The following CSMD3 variants were observed in gnomAD, a reference collection of about 807,000 sequenced individuals.
The protein encoded by CSMD3 is CUB and sushi domain-containing protein 3.
A neutral mutation model predicts 435.2 loss-of-function variants in CSMD3; 177 were observed. That is an observed-to-expected ratio of 0.41 (90% CI 0.36 to 0.46). CSMD3 has a LOEUF of 0.46. Ranked by LOEUF, CSMD3 falls within the 20% of genes least tolerant of loss-of-function variation. CSMD3 has a pLI of 0.34. For synonymous variants in CSMD3, 1,656 were observed against 1,520.5 expected (o/e 1.09, Z -2.07); for missense variants, 4,265 against 4,504.6 (o/e 0.95, Z 1.52).
At chr8:112,984,477 T>A (rs1025381343) in intron 6 of CSMD3, among the ~76,000 whole-genome samples, 1 of 152,076 alleles carries the variant, frequency 6.6e-6, no homozygotes, top group African/African-American at 2.4e-5. Context: ...AATCATATAT[T>A]TTAATGTTAT....
At chr8:112,519,466 G>T (rs1374937580) in intron 27 of CSMD3, among the ~76,000 whole-genome samples, 2 of 152,100 alleles carry the variant, frequency 1.3e-5, no homozygotes, top group African/African-American at 4.8e-5. Context: ...TGCCTCAAAA[G>T]TGCTGGCCAA....
rs376249265 is a variant in CSMD3 at position 112,321,012 on chromosome 8, T to G, written c.7166-1031A>C. 4.6e-5 allele frequency among the ~76,000 whole-genome samples: 7 copies of G among 152,150 alleles called. No homozygotes were observed. In the East Asian group the frequency reaches 1.4e-3, roughly 29 times the overall value. On this transcript the variant is annotated intron_variant, in intron 45 of 70. Coordinates refer to ENST00000297405, the MANE Select transcript of CSMD3 (RefSeq NM_198123.2). ...AAAGTCTCTATGAATCCAAGCTTCATGCCTACTATCCTCACATGACATCTA... is the reference window on the plus strand; with the variant it reads ...AAAGTCTCTATGAATCCAAGCTTCAGGCCTACTATCCTCACATGACATCTA...
chr8:112,301,638 A>G (rs1820928816), intron 53 of CSMD3, among the ~76,000 whole-genome samples, 155 bp downstream of exon 53: 1 of 152,160 alleles, frequency 6.6e-6, no homozygotes, highest in African/African-American at 2.4e-5. Context: ...TAGCTTTTCT[A>G]TCATGAGCCA....
intron 32 of CSMD3, among the ~76,000 whole-genome samples, chr8:112,421,758 T>C (rs1311737441): frequency 6.7e-5 from 10 of 149,998 alleles, no homozygotes; most frequent in Non-Finnish European, 8.9e-5. Context: ...AATTTGCTCC[T>C]GGTAGAAATT....
chr8:112,373,833 T>C (rs1828686318), intron 38 of CSMD3, among the ~76,000 whole-genome samples: 1 of 152,164 alleles, frequency 6.6e-6, no homozygotes, highest in Non-Finnish European at 1.5e-5. Context: ...CTGTATTCGC[T>C]GGAGTTTCTG....
At chr8:113,328,733 T>C (rs1311696046) in intron 1 of CSMD3, among the ~76,000 whole-genome samples, 4 of 117,446 alleles carry the variant, frequency 3.4e-5, no homozygotes, top group South Asian at 5.6e-4. Context: ...CTTCCTTCTT[T>C]TCTTTTTTTT....
At chr8:112,555,008 T>C (rs920959718) in intron 25 of CSMD3, among the ~76,000 whole-genome samples, 1 of 151,946 alleles carries the variant, frequency 6.6e-6, no homozygotes, top group Non-Finnish European at 1.5e-5. Context: ...TAGAATTTCA[T>C]CTTCTGTTAT....
chr8:113,203,464 G>A (rs1193819040), intron 3 of CSMD3, among the ~76,000 whole-genome samples: 2 of 151,522 alleles, frequency 1.3e-5, no homozygotes, highest in East Asian at 3.9e-4. Flanking sequence ...TAGAGATGGA[G>A]CCTCACTTTG....
chr8:112,406,055 A>G (rs1435322700), intron 35 of CSMD3, among the ~76,000 whole-genome samples: 1 of 152,108 alleles, frequency 6.6e-6, no homozygotes. Context: ...AACACAATGA[A>G]TAAAAACTAG....
intron 2 of CSMD3, among the ~76,000 whole-genome samples, chr8:113,290,439 A>G (rs1454308092): frequency 6.6e-6 from 1 of 151,720 alleles, no homozygotes; most frequent in Non-Finnish European, 1.5e-5. Flanking sequence ...TACTGAGAAT[A>G]TAACAATTAC....
intron 22 of CSMD3, among the ~76,000 whole-genome samples, chr8:112,609,245 A>AAAAAAAAAAAAAT (rs1833058360): frequency 1.3e-5 from 2 of 149,638 alleles, no homozygotes; most frequent in Non-Finnish European, 1.5e-5. Context: ...ATAGAAGAAA[A>AAAAAAAAAAAAAT]TATTTGCAAA....
intron 29 of CSMD3, 93 bp downstream of exon 29, chr8:112,506,598 T>C (rs1031711156): frequency 8.1e-6 from 10 of 1,235,560 alleles, no homozygotes; most frequent in Non-Finnish European, 1.2e-5. Flanking sequence ...AAATGCTATA[T>C]ACAGAAATAG....
intron 27 of CSMD3, among the ~76,000 whole-genome samples, chr8:112,522,560 A>AAATGAATG (rs951796267): frequency 6.6e-6 from 1 of 151,892 alleles, no homozygotes; most frequent in Admixed American, 6.6e-5. Flanking sequence ...AGTTAAAAAC[A>AAATGAATG]AATGAATGAA....
At chr8:112,748,946 C>T (rs1256654631) in intron 13 of CSMD3, among the ~76,000 whole-genome samples, 1 of 152,164 alleles carries the variant, frequency 6.6e-6, no homozygotes, top group African/African-American at 2.4e-5. Flanking sequence ...AACTTATTTA[C>T]ACTCCCATCA....
At chr8:112,256,945 G>A (rs901585882) in intron 61 of CSMD3, among the ~76,000 whole-genome samples, 4 of 152,126 alleles carry the variant, frequency 2.6e-5, no homozygotes, top group African/African-American at 9.7e-5. Context: ...TGGCATGCCC[G>A]AGCCATCTGG....
At chr8:113,100,223 C>G (rs540454469) in intron 4 of CSMD3, among the ~76,000 whole-genome samples, 3 of 152,030 alleles carry the variant, frequency 2.0e-5, no homozygotes, top group Non-Finnish European at 4.4e-5. Flanking sequence ...TTATCACACA[C>G]TAAATATATT....
intron 6 of CSMD3, among the ~76,000 whole-genome samples, chr8:112,993,919 A>C (rs1371766397): frequency 1.3e-5 from 2 of 151,746 alleles, no homozygotes; most frequent in Non-Finnish European, 2.9e-5. Flanking sequence ...TCAAACAGTC[A>C]GCTGTATCAA....
chr8:113,257,687 A>G (rs2093394201), intron 3 of CSMD3, among the ~76,000 whole-genome samples: 1 of 152,164 alleles, frequency 6.6e-6, no homozygotes, highest in Non-Finnish European at 1.5e-5. Flanking sequence ...CTCTTTTCAT[A>G]CTCAACATCA....
intron 13 of CSMD3, among the ~76,000 whole-genome samples, chr8:112,705,683 C>G (rs1327675532): frequency 6.6e-6 from 1 of 151,924 alleles, no homozygotes; most frequent in African/African-American, 2.4e-5. Flanking sequence ...AGGATACAGT[C>G]TATAAGAGCT....
Sources: allele counts gnomAD v4.1 joint callset (sites outside exome capture counted in the v4.1 genomes callset), GRCh38; gene constraint gnomAD v4.1.1; transcripts MANE v1.5; gene names NCBI Gene and HGNC (gene_info 2026-07-23, HGNC 2026-07-21).